The following CECR2 variants were observed in gnomAD, a reference collection of about 807,000 sequenced individuals.
CECR2 encodes chromatin remodeling regulator CECR2.
Under a neutral mutation model 154.5 loss-of-function variants are expected in CECR2, and 30 were observed. That is an observed-to-expected ratio of 0.19 (90% confidence interval 0.15 to 0.26). CECR2 has a LOEUF of 0.26. CECR2 is among the 10% of genes least tolerant of loss of function. The pLI, the probability that CECR2 is intolerant of heterozygous loss-of-function variation, is 1.00. For missense variants in CECR2, 1,743 were observed against 1,829.3 expected (o/e 0.95, Z 0.86); for synonymous variants, 725 against 683.7 (o/e 1.06, Z -0.94).
In CECR2 at chr22:17,553,651, G is replaced by T. The variant is rs1463145054; in HGVS notation, c.*811G>T. On this transcript the variant is annotated 3_prime_UTR_variant, in exon 19 of 19. Transcript: ENST00000262608. The stretch of plus-strand genomic sequence containing the variant: ...TCTCAGGAGACTACTAGAAGCTTCA[G>T]CCCGGAAGACAGGCTGCTCTCTCAT... 6.6e-6 allele frequency: 1 copy of T among 152,250 alleles called. No homozygotes were observed. The highest frequency in any genetic ancestry group is 1.5e-5 in the Non-Finnish European group (1 of 68,052). 9.4% of individuals were successfully genotyped at this position (152,250 alleles called of 1,614,324 possible).
chr22:17,369,312 C>CCGCCCCCGCG (rs1197023810), upstream of CECR2: 1 of 151,014 alleles, frequency 6.6e-6, no homozygotes, highest in Non-Finnish European at 1.5e-5. Flanking sequence ...GGCGCGCGCC[C>CCGCCCCCGCG]CGCCCCTCCC....
chr22:17,476,985 T>C, intron 1 of CECR2: 1 of 595,974 alleles, frequency 1.7e-6, no homozygotes, highest in Non-Finnish European at 3.1e-6. Context: ...CACAGAGACG[T>C]TACCTCATTC....
chr22:17,508,304 A>G (rs1348967437), intron 7 of CECR2, among the ~76,000 whole-genome samples: 1 of 151,740 alleles, frequency 6.6e-6, no homozygotes, highest in Non-Finnish European at 1.5e-5. Flanking sequence ...CTTCACATTC[A>G]CACCACTCAG....
chr22:17,455,522 AT>A (rs2146713691), intron 1 of CECR2, among the ~76,000 whole-genome samples: 1 of 152,256 alleles, frequency 6.6e-6, no homozygotes, highest in African/African-American at 2.4e-5. Flanking sequence ...ATGGTCTATC[AT>A]TATAATGTCT....
intron 8 of CECR2, 72 bp from the exon 9 acceptor site, chr22:17,524,046 A>G: frequency 1.6e-6 from 2 of 1,216,474 alleles, no homozygotes; most frequent in Non-Finnish European, 2.3e-6. Context: ...TACTGAATTC[A>G]ATGAACTGAG....
chr22:17,441,057 T>C, intron 1 of CECR2, among the ~76,000 whole-genome samples: 1 of 152,068 alleles, frequency 6.6e-6, no homozygotes, highest in Non-Finnish European at 1.5e-5. Context: ...CAAGTGATTG[T>C]CCTGCCACAG....
Position 17,548,278 on chromosome 22 carries a change from A to T in CECR2, c.2991A>T (p.Glu997Asp), listed in dbSNP as rs750433289. Residue 997 changes from glutamate to aspartate, a missense_variant, in exon 17 of 19, where the codon GAA becomes GAT. Physicochemically the swap from Glu to Asp is conservative, Grantham distance 45 (BLOSUM62 2). Around this residue, in one of 4 missense-constraint regions of CECR2, gnomAD observed 1,250 missense variants for 1,192.1 expected, o/e 1.05. Transcript: ENST00000262608. The part of the protein sequence containing the change: ...TDCTRQSSPQ[E>D]RETVGPELKS... ...GCACCAGGCAGAGCTCACCACAAGAAAGGGAAACAGTGGGCCCGGAGCTCA... is the reference window on the plus strand; with the variant it reads ...GCACCAGGCAGAGCTCACCACAAGATAGGGAAACAGTGGGCCCGGAGCTCA... 3.1e-6 allele frequency: 5 copies of T among 1,607,824 alleles called. No individual in the cohort carries two copies. The South Asian group carries it at 5.6e-5, about 18-fold the overall frequency.
At chr22:17,496,267 G>A (rs2055625788) in intron 2 of CECR2, among the ~76,000 whole-genome samples, 1 of 152,134 alleles carries the variant, frequency 6.6e-6, no homozygotes, top group Admixed American at 6.5e-5. Context: ...TGAGGACGAG[G>A]CGGGTGGATC....
At chr22:17,450,363 C>T (rs555611183) in intron 1 of CECR2, among the ~76,000 whole-genome samples, 9 of 152,290 alleles carry the variant, frequency 5.9e-5, no homozygotes, top group East Asian at 1.9e-4. Context: ...CTCTGCCTCC[C>T]GTGTTCAAGC....
At chr22:17,404,594 C>T (rs930927589) in intron 1 of CECR2, among the ~76,000 whole-genome samples, 12 of 145,958 alleles carry the variant, frequency 8.2e-5, no homozygotes, top group Non-Finnish European at 1.6e-4. Flanking sequence ...GGGATGGTCT[C>T]GATCTCCTGA....
rs376052531 is a variant in CECR2 at position 17,548,422 on chromosome 22, G to A, written c.3135G>A (p.Thr1045=). 22 of 1,613,928 alleles carry A rather than the reference G, an allele frequency of 1.4e-5. No homozygotes were observed. In the African/African-American group the frequency reaches 1.7e-4, roughly 13 times the overall value. ...AAGGGTGCGTGAGAGACCTCTCCAC[G>A]GTGGCAGACAGGGGCGCTCTATCCG... ...AAQGCVRDLS[T]VADRGALSEN... is the part of the protein sequence containing the mutation. Residue 1045 remains threonine (T), a synonymous_variant, in exon 17 of 19, where the codon ACG becomes ACA. Transcript: ENST00000262608.
Position 17,548,493 on chromosome 22 carries a change from A to G in CECR2, c.3206A>G (p.Lys1069Arg). 2 of 1,613,888 alleles carry G rather than the reference A, an allele frequency of 1.2e-6. No individual in the cohort carries two copies. Among genetic ancestry groups the G allele is most frequent in the Non-Finnish European group, 1.7e-6 (2 of 1,179,856 alleles). ...GEASPCGSEG[K>R]GLGSSGSEKL... ...GCATCTCCTTGTGGATCGGAGGGGA[A>G]GGGCCTTGGTAGCAGTGGTTCCGAA... Residue 1069 changes from lysine (K) to arginine (R), a missense_variant, in exon 17 of 19, where the codon AAG becomes AGG. This residue lies in a region of CECR2 where 1,250 missense variants were observed against 1,192.1 expected (regional missense o/e 1.05). Transcript: ENST00000262608.
At chr22:17,383,974 A>G (rs2063230730) in intron 1 of CECR2, among the ~76,000 whole-genome samples, 1 of 151,868 alleles carries the variant, frequency 6.6e-6, no homozygotes. Context: ...TGCCTGGCCC[A>G]GGTCCACTTC....
chr22:17,402,759 T>C lies in CECR2; in HGVS notation c.126+32850T>C, dbSNP rs891201806. The stretch of plus-strand genomic sequence containing the variant: ...CTTTCTTTCTTTCTTTTCTTCTTTT[T>C]TTTTTTTTTTTTTTGGAGACGTAGT... On this transcript the variant is annotated intron_variant, in intron 1 of 18. Coordinates refer to ENST00000262608, the MANE Select transcript of CECR2 (RefSeq NM_001290047.2). Among the ~76,000 whole-genome samples the C allele has an allele frequency of 6.8e-3, 915 of 133,678 alleles. 17 individuals are homozygous for C. The highest frequency in any genetic ancestry group is 0.026 in the African/African-American group (840 of 32,330). 87.7% of individuals were successfully genotyped at this position (133,678 alleles called of 152,430 possible).
intron 7 of CECR2, among the ~76,000 whole-genome samples, chr22:17,506,615 C>G (rs1429874441): frequency 6.6e-6 from 1 of 152,098 alleles, no homozygotes; most frequent in African/African-American, 2.4e-5. Flanking sequence ...TTTTAACAGC[C>G]ACGACACTTA....
chr22:17,421,079 A>G (rs1352255980), intron 1 of CECR2, among the ~76,000 whole-genome samples: 1 of 152,138 alleles, frequency 6.6e-6, no homozygotes, highest in Non-Finnish European at 1.5e-5. Flanking sequence ...GAACACACCC[A>G]TTAGCTAAGA....
intron 3 of CECR2, 113 bp downstream of exon 3, chr22:17,497,699 T>A (rs2055656170): frequency 7.0e-6 from 7 of 993,738 alleles, no homozygotes; most frequent in Admixed American, 2.0e-5. Flanking sequence ...GTGGTACTAG[T>A]CTTGGTACTA....
chr22:17,390,372 A>T (rs2063313615), intron 1 of CECR2, among the ~76,000 whole-genome samples: 1 of 152,086 alleles, frequency 6.6e-6, no homozygotes. Flanking sequence ...TGTGCCCTTT[A>T]TTGGTGGTGG....
At chr22:17,517,789 G>A (rs964282987) in intron 8 of CECR2, among the ~76,000 whole-genome samples, 7 of 152,168 alleles carry the variant, frequency 4.6e-5, no homozygotes, top group South Asian at 2.1e-4. Flanking sequence ...ATTAAATTTC[G>A]TCTTGCACAC....
Sources: allele counts gnomAD v4.1 joint callset (sites outside exome capture counted in the v4.1 genomes callset), GRCh38; gene constraint gnomAD v4.1.1; regional missense constraint gnomAD v4.1.1; transcripts MANE v1.5; gene names NCBI Gene and HGNC (gene_info 2026-07-23, HGNC 2026-07-21).